Variants in LMNA observed in about 807,000 individuals in gnomAD.
LMNA encodes the protein lamin A/C, also known as lamin.
LMNA carries 20 observed loss-of-function variants against 70.4 expected under a neutral mutation model. That is an observed-to-expected ratio of 0.28 (90% CI 0.20 to 0.41). LMNA has a LOEUF of 0.41. LMNA is among the 10% of genes least tolerant of loss of function. The probability of loss-of-function intolerance (pLI) is 1.00; values close to 1 mark genes in which losing one functional copy is unlikely to be tolerated. For synonymous variants in LMNA, 339 were observed against 372.8 expected (o/e 0.91, Z 1.04); for missense variants, 652 against 917.2 (o/e 0.71, Z 3.73).
Position 156,138,690 on chromosome 1 carries a change from G to A in LMNA, c.1901G>A (p.Gly634Asp), listed in dbSNP as rs1470825986. The change falls in exon 11 of 12, where the codon GGT becomes GAT. Residue 634 changes from glycine to aspartate, a missense_variant. Around this residue, in one of 4 missense-constraint regions of LMNA, gnomAD observed 327 missense variants for 387.6 expected, o/e 0.84. Transcript: ENST00000368300. The surrounding 1 kb of genome is among the most constrained non-coding windows in gnomAD (Gnocchi z 5.5). ...TACCGCAGTGTGGGGGGCAGTGGGG[G>A]TGGCAGCTTCGGGGACAATCTGGTC... ...RSYRSVGGSG[G>D]GSFGDNLVTR... 2 of 1,613,702 alleles carry A rather than the reference G, an allele frequency of 1.2e-6. No individual in the cohort carries two copies. Among genetic ancestry groups the A allele is most frequent in the African/African-American group, 2.7e-5 (2 of 75,058 alleles).
At position 156,103,659 on chromosome 1, in the gene LMNA, C is replaced by T. The variant is rs1186879517; in HGVS notation, c.-206-11054C>T. 2.6e-5 allele frequency among the ~76,000 whole-genome samples: 4 copies of T among 152,174 alleles called. No homozygotes were observed. The highest frequency in any genetic ancestry group is 9.7e-5 in the African/African-American group (4 of 41,434). On this transcript the variant is annotated intron_variant, in intron 3 of 12. Coordinates refer to the LMNA transcript ENST00000368301. This position sits in a 1 kb window ranked among gnomAD's most constrained non-coding sequence, Gnocchi z 4.7. ...CTCTCCTGTGTCCCCTCTCCGGGGG[C>T]TGCCCCCTCCCAGTTTCTGACTAAT...
Position 156,137,907 on chromosome 1 carries a change from T to TCAAG in LMNA, c.1698+164_1698+165insCAAG. The TCAAG allele has an allele frequency of 2.1e-6, 3 of 1,429,686 alleles. No individual in the cohort carries two copies. The highest frequency in any genetic ancestry group is 2.8e-6 in the Non-Finnish European group (3 of 1,072,276). The allele number at this position is 1,429,686 out of a possible 1,614,324, so 88.6% of individuals were successfully genotyped here. On this transcript the variant is annotated intron_variant, in intron 10 of 11. Coordinates refer to ENST00000368300, the MANE Select transcript of LMNA (RefSeq NM_170707.4). This position sits in a 1 kb window ranked among gnomAD's most constrained non-coding sequence, Gnocchi z 4.6. Reference sequence around the variant, plus strand: ...TTTCTTCTCTCTCCTCCCTATACCTTGAACAGGGAACCCAGGTGTCTGGGT... The same window carrying TCAAG: ...TTTCTTCTCTCTCCTCCCTATACCTTCAAGGAACAGGGAACCCAGGTGTCTGGGT...
At chr1:156,118,428 C>T (rs1649981209) in intron 1 of LMNA, among the ~76,000 whole-genome samples, 1 of 152,154 alleles carries the variant, frequency 6.6e-6, no homozygotes, top group East Asian at 1.9e-4. Flanking sequence ...TGGGGCAGGG[C>T]GGAGGTGGTG....
chr1:156,088,239 G>C (rs1167838686), intron 2 of LMNA, among the ~76,000 whole-genome samples: 1 of 152,042 alleles, frequency 6.6e-6, no homozygotes. Context: ...CGTCCTTTCT[G>C]CTAAGAGTCC....
intron 3 of LMNA, among the ~76,000 whole-genome samples, chr1:156,092,498 GCAAAACCCCGTCTCTA>G (rs1558107084): frequency 6.6e-6 from 1 of 151,742 alleles, no homozygotes; most frequent in Non-Finnish European, 1.5e-5. Flanking sequence ...GGGCAATATG[GCAAAACCCCGTCTCTA>G]CAAAAAATAC....
Position 156,135,804 on chromosome 1 carries a change from G to T in LMNA, c.937-97G>T. 1.0e-6 allele frequency: 1 copy of T among 979,420 alleles called. No homozygotes were observed. Among genetic ancestry groups the T allele is most frequent in the East Asian group, 2.6e-5 (1 of 38,840 alleles). 60.7% of individuals were successfully genotyped at this position (979,420 alleles called of 1,614,324 possible). On this transcript the variant is annotated intron_variant, in intron 5 of 11. Transcript: ENST00000368300. This position sits in a 1 kb window ranked among gnomAD's most constrained non-coding sequence, Gnocchi z 4.8. ...GGGGAAGCTCTGATTGCAGATCCTG[G>T]AGAGAGTAGCCAGGTGTCTCCTACA...
chr1:156,102,232 G>A (rs1649168956), intron 3 of LMNA, among the ~76,000 whole-genome samples: 1 of 152,178 alleles, frequency 6.6e-6, no homozygotes, highest in African/African-American at 2.4e-5. Context: ...GGAGGTGAGT[G>A]AATTCAGGGG....
intron 1 of LMNA, among the ~76,000 whole-genome samples, chr1:156,124,427 T>C (rs1650413540): frequency 6.6e-6 from 1 of 152,166 alleles, no homozygotes. Context: ...TAGCTGGGAC[T>C]ATAGGTGCCC....
Position 156,135,626 on chromosome 1 carries a change from A to G in LMNA, c.937-275A>G, listed in dbSNP as rs76017998. On this transcript the variant is annotated intron_variant, in intron 5 of 11. Transcript: ENST00000368300. The surrounding 1 kb of genome is among the most constrained non-coding windows in gnomAD (Gnocchi z 4.8). The stretch of plus-strand genomic sequence containing the variant: ...AATGTGAGGTGTTAAAAGCATCAGT[A>G]TTTTTCTAGTTGGCTGTGCTATTTG... 37,630 of 590,604 alleles carry G rather than the reference A, an allele frequency of 0.064. 1,481 individuals carry two copies. Among genetic ancestry groups the G allele is most frequent in the Middle Eastern group, 0.097 (215 of 2,210 alleles). The allele number at this position is 590,604 out of a possible 1,614,324, so 36.6% of individuals were successfully genotyped here.
chr1:156,119,532 T>C (rs1373547706), intron 1 of LMNA, among the ~76,000 whole-genome samples: 1 of 152,202 alleles, frequency 6.6e-6, no homozygotes, highest in Non-Finnish European at 1.5e-5. Context: ...AGTGCTGGGA[T>C]GTATAGGCAT....
At chr1:156,118,028 T>C (rs994348505) in intron 1 of LMNA, among the ~76,000 whole-genome samples, 2 of 150,722 alleles carry the variant, frequency 1.3e-5, no homozygotes, top group South Asian at 2.1e-4. Context: ...ACTTGCTATG[T>C]TGCTCAGCTG....
chr1:156,086,397 T>A (rs946870688), intron 2 of LMNA, among the ~76,000 whole-genome samples: 6 of 147,722 alleles, frequency 4.1e-5, no homozygotes, highest in Middle Eastern at 3.4e-3. Context: ...CCTCTGACTC[T>A]CTCTCTCTCT....
At chr1:156,110,291 A>C (rs1160788285), upstream of LMNA, among the ~76,000 whole-genome samples, 1 of 152,206 alleles carries the variant, frequency 6.6e-6, no homozygotes, top group Admixed American at 6.5e-5. Flanking sequence ...TCACTTCTGC[A>C]TCCCTGGTGT....
intron 1 of LMNA, chr1:156,126,330 T>C (rs1371782509): frequency 4.5e-6 from 4 of 879,248 alleles, no homozygotes; most frequent in Non-Finnish European, 5.1e-6. Context: ...TTAGCTACAG[T>C]GTCTGTCCCT....
At chr1:156,120,239 T>C (rs1337964478) in intron 1 of LMNA, among the ~76,000 whole-genome samples, 2 of 152,192 alleles carry the variant, frequency 1.3e-5, no homozygotes, top group Non-Finnish European at 2.9e-5. Context: ...GCTTGTCCCA[T>C]GTCACACAAT....
upstream of LMNA, among the ~76,000 whole-genome samples, chr1:156,112,869 A>G (rs1649590960): frequency 6.6e-6 from 1 of 152,134 alleles, no homozygotes; most frequent in South Asian, 2.1e-4. Flanking sequence ...AAGCCCTGAT[A>G]TCTTGGAGCT....
Position 156,135,437 on chromosome 1 carries a change from T to C in LMNA, c.936+125T>C. On this transcript the variant is annotated intron_variant, in intron 5 of 11. Transcript: ENST00000368300. The surrounding 1 kb of genome is among the most constrained non-coding windows in gnomAD (Gnocchi z 4.8). ...CTGAGGAGGAGAGGGATGAAAAGTG[T>C]CCCCACAACCACAGAGAAGGGTCGC... 7.9e-7 allele frequency: 1 copy of C among 1,267,534 alleles called. No homozygotes were observed. Among genetic ancestry groups the C allele is most frequent in the Non-Finnish European group, 1.1e-6 (1 of 901,262 alleles). 78.5% of individuals were successfully genotyped at this position (1,267,534 alleles called of 1,614,324 possible). A position where few individuals can be genotyped will look rare whatever the true frequency, so the allele number is the denominator to read the frequency against.
chr1:156,085,206 C>T (rs940063650), intron 2 of LMNA, among the ~76,000 whole-genome samples: 5 of 152,226 alleles, frequency 3.3e-5, no homozygotes, highest in Non-Finnish European at 5.9e-5. Context: ...AGAGTGTGTG[C>T]TGCAGATCAT....
chr1:156,137,208 G>A lies in LMNA; in HGVS notation c.1584G>A (p.Thr528=), dbSNP rs80356812. The part of the protein sequence containing the change: ...NTWGCGNSLR[T]ALINSTGEEV... Reference sequence around the variant, plus strand: ...GGGGCTGCGGGAACAGCCTGCGTACGGCTCTCATCAACTCCACTGGGGAAG... The same window carrying A: ...GGGGCTGCGGGAACAGCCTGCGTACAGCTCTCATCAACTCCACTGGGGAAG... Residue 528 remains threonine (T), a synonymous_variant, in exon 9 of 12, where the codon ACG becomes ACA. Coordinates refer to ENST00000368300, the MANE Select transcript of LMNA (RefSeq NM_170707.4). The surrounding 1 kb of genome is among the most constrained non-coding windows in gnomAD (Gnocchi z 4.6). 1.2e-4 allele frequency: 196 copies of A among 1,595,766 alleles called. 2 individuals carry two copies. The East Asian group carries it at 3.2e-3, about 26-fold the overall frequency.
Sources: gnomAD v4.1 joint callset for allele counts (sites outside exome capture counted in the v4.1 genomes callset) on GRCh38, gnomAD v4.1.1 for gene constraint, gnomAD v4.1.1 regional missense constraint, Gnocchi (gnomAD v3.1) non-coding constraint, MANE v1.5 for transcripts, NCBI Gene and HGNC (gene_info 2026-07-23, HGNC 2026-07-21) for gene names.